Variants in LOXHD1 observed in about 807,000 individuals in gnomAD.
The protein encoded by LOXHD1 is lipoxygenase homology domain-containing protein 1.
In LOXHD1, 205 loss-of-function variants were observed where a neutral mutation model predicts 248.2. That is an observed-to-expected ratio of 0.83 (90% CI 0.74 to 0.93). The LOEUF is 0.93. Ranked by LOEUF, LOXHD1 falls within the 40% of genes least tolerant of loss-of-function variation. LOXHD1 has a pLI of 0.00. For missense variants in LOXHD1, 2,930 were observed against 2,971.6 expected, an observed-to-expected ratio of 0.99 and a Z score of 0.33; for synonymous variants, 1,113 against 1,162.8, an observed-to-expected ratio of 0.96 and a Z score of 0.87.
chr18:46,560,297 C>A lies in LOXHD1; in HGVS notation c.2847G>T (p.Glu949Asp). 1 of 1,552,026 alleles carries A rather than the reference C, an allele frequency of 6.4e-7. No individual in the cohort carries two copies. Among genetic ancestry groups the A allele is most frequent in the Non-Finnish European group, 8.7e-7 (1 of 1,147,082 alleles). The change falls in exon 19 of 41, where the codon GAG becomes GAT. Residue 949 changes from glutamate (E) to aspartate (D), a missense_variant. Glu to Asp is a conservative substitution (Grantham distance 45). Coordinates refer to ENST00000642948, the MANE Select transcript of LOXHD1 (RefSeq NM_001384474.1). Reference sequence around the variant, plus strand: ...ACGACTCCTCTTCCTCCCCCTCGTCCTCTTCGTCGCTGCCCTTCCTCTTCT... The same window carrying A: ...ACGACTCCTCTTCCTCCCCCTCGTCATCTTCGTCGCTGCCCTTCCTCTTCT... ...KKKKRKGSDE[E>D]DEGEEEESSS...
intron 19 of LOXHD1, 47 bp from the exon 20 acceptor site, chr18:46,559,649 G>T (rs1442323820): frequency 1.2e-5 from 18 of 1,540,170 alleles, no homozygotes; most frequent in Non-Finnish European, 1.5e-5. Flanking sequence ...TGGCCATGGG[G>T]TGTTTGGACC....
At chr18:46,613,725 T>C (rs28859086) in intron 5 of LOXHD1, among the ~76,000 whole-genome samples, 3,568 of 152,262 alleles carry the variant, frequency 0.023, 131 homozygotes, top group East Asian at 0.073. Context: ...AAAAGAAATT[T>C]TATTTCTAGT....
intron 38 of LOXHD1, 61 bp downstream of exon 38, chr18:46,488,911 G>A: frequency 6.6e-6 from 10 of 1,511,938 alleles, no homozygotes; most frequent in East Asian, 5.0e-5. Flanking sequence ...CTGGAACGGT[G>A]TCTTCTTATT....
chr18:46,509,964 C>A, intron 34 of LOXHD1, 149 bp from the exon 35 acceptor site: 1 of 658,094 alleles, frequency 1.5e-6, no homozygotes, highest in Non-Finnish European at 2.7e-6. Context: ...TCCACCAGCC[C>A]ATCTCTTGCA....
chr18:46,556,430 T>TG lies in LOXHD1; in HGVS notation c.3350+925dup, dbSNP rs1310166379. Among the ~76,000 whole-genome samples the TG allele has an allele frequency of 4.6e-5, 7 of 152,256 alleles. No homozygotes were observed. The East Asian group carries it at 1.4e-3, about 29-fold the overall frequency. ...AGATGGACCTCAAGAGTTGCTGGTC[T>TG]GGGGGATCTATTGGACTGTCATCTC... On this transcript the variant is annotated intron_variant, in intron 21 of 40. Transcript: ENST00000642948.
chr18:46,592,520 C>T lies in LOXHD1; in HGVS notation c.1496G>A (p.Gly499Asp). 1 of 1,551,680 alleles carries T rather than the reference C, an allele frequency of 6.4e-7. No individual in the cohort carries two copies. The highest frequency in any genetic ancestry group is 8.7e-7 in the Non-Finnish European group (1 of 1,146,956). ...IRVWHDKRSS[G>D]SGWHLERMTL... ...CACCCTTTCTAAATGCCATCCAGAA[C>T]CAGAACTCCTTTTATCATGCCATAC... Residue 499 changes from glycine to aspartate, a missense_variant, in exon 11 of 41, where the codon GGT becomes GAT. Gly to Asp is a moderately conservative substitution (Grantham distance 94). Transcript: ENST00000642948.
intron 37 of LOXHD1, among the ~76,000 whole-genome samples, chr18:46,498,963 T>C (rs1598852061): frequency 6.6e-6 from 1 of 152,220 alleles, no homozygotes; most frequent in East Asian, 1.9e-4. Flanking sequence ...GATATATCTG[T>C]GGAAGTCTAG....
intron 34 of LOXHD1, among the ~76,000 whole-genome samples, chr18:46,517,178 G>A (rs958491257): frequency 6.6e-6 from 1 of 152,104 alleles, no homozygotes; most frequent in Admixed American, 6.5e-5. Context: ...GATGTCAGGG[G>A]CCAGGGATGT....
chr18:46,493,523 T>C (rs1305997875), intron 37 of LOXHD1, among the ~76,000 whole-genome samples: 3 of 152,208 alleles, frequency 2.0e-5, no homozygotes, highest in African/African-American at 7.2e-5. Flanking sequence ...AAGTGTTTAT[T>C]GAATGCATTA....
chr18:46,617,953 A>T (rs1475004473), intron 5 of LOXHD1, among the ~76,000 whole-genome samples: 1 of 152,200 alleles, frequency 6.6e-6, no homozygotes, highest in Non-Finnish European at 1.5e-5. Flanking sequence ...AATTGCAATC[A>T]ACCCACACAC....
chr18:46,553,058 T>G (rs2037172253), intron 21 of LOXHD1, among the ~76,000 whole-genome samples: 1 of 152,192 alleles, frequency 6.6e-6, no homozygotes. Context: ...AGGTCAACCC[T>G]GAGACAACCA....
chr18:46,573,660 C>G (rs1014495546), intron 14 of LOXHD1, among the ~76,000 whole-genome samples: 2 of 152,046 alleles, frequency 1.3e-5, no homozygotes, highest in African/African-American at 2.4e-5. Context: ...CTGCAATACT[C>G]TCTGCTAATA....
rs2036570347 is a variant in LOXHD1, at chr18:46,541,786, C to T, written c.3903G>A (p.Leu1301=). 6.4e-7 allele frequency: 1 copy of T among 1,551,594 alleles called. No individual in the cohort carries two copies. Among genetic ancestry groups the T allele is most frequent in the African/African-American group, 1.4e-5 (1 of 73,056 alleles). ...DLFHAELQTR[L]YTPFVPYEIT... ...GTGTGTGGTTCCTACATGGTGTGTA[C>T]AGCCTCGTCTGAAGCTCTGCATGGA... The change falls in exon 25 of 41, where the codon CTG becomes CTA. Residue 1301 remains leucine (L), a synonymous_variant. Coordinates refer to ENST00000642948, the MANE Select transcript of LOXHD1 (RefSeq NM_001384474.1).
rs1178506041 is a variant in LOXHD1 at position 46,488,986 on chromosome 18, T to C, written c.6035A>G (p.Glu2012Gly). 1 of 1,551,648 alleles carries C rather than the reference T, an allele frequency of 6.4e-7. No homozygotes were observed. Among genetic ancestry groups the C allele is most frequent in the South Asian group, 1.2e-5 (1 of 84,056 alleles). Reference sequence around the variant, plus strand: ...CCCCCACATACTGGTCTCTTCCAGCTCATCACAGATCTTGTTGTTGGCACA... The same window carrying C: ...CCCCCACATACTGGTCTCTTCCAGCCCATCACAGATCTTGTTGTTGGCACA... ...FACANNKICDELEETTYEIVI... is the reference protein window; with the variant it reads ...FACANNKICDGLEETTYEIVI... The change falls in exon 38 of 41, where the codon GAG (glutamate) becomes GGG (glycine). Residue 2012 changes from glutamate to glycine, a missense_variant. Transcript: ENST00000642948.
intron 5 of LOXHD1, among the ~76,000 whole-genome samples, chr18:46,611,916 G>T (rs184178563): frequency 6.6e-6 from 1 of 152,054 alleles, no homozygotes; most frequent in Admixed American, 6.5e-5. Flanking sequence ...CTATAAAGAC[G>T]GCTCCTGAAG....
rs562154788 is a variant in LOXHD1, at chr18:46,486,018, T to C, written c.6050-867A>G. Among the ~76,000 whole-genome samples, 38 of 152,064 alleles carry C rather than the reference T, an allele frequency of 2.5e-4. No individual in the cohort carries two copies. The South Asian group carries it at 6.2e-3, about 25-fold the overall frequency. On this transcript the variant is annotated intron_variant, in intron 38 of 40. Coordinates refer to ENST00000642948, the MANE Select transcript of LOXHD1 (RefSeq NM_001384474.1). ...GGCGTGGCTCACTGACTCACCTCCT[T>C]CTCATCCTTACTCAAAAGTCATGTC...
chr18:46,560,146 G>C lies in LOXHD1; in HGVS notation c.2998C>G (p.Arg1000Gly). ...ACAAGTTCGTTGTCCTCCTTGCCCC[G>C]GGCCAGCCAGCGGTGGGCTTCGAAC... The part of the protein sequence containing the change: ...HKFEAHRWLA[R>G]GKEDNELVVE... The change falls in exon 19 of 41, where the codon CGG (arginine) becomes GGG (glycine). Residue 1000 changes from arginine to glycine, a missense_variant. Coordinates refer to ENST00000642948, the MANE Select transcript of LOXHD1 (RefSeq NM_001384474.1). The C allele has an allele frequency of 7.3e-7, 1 of 1,372,566 alleles. No homozygotes were observed. The highest frequency in any genetic ancestry group is 9.6e-7 in the Non-Finnish European group (1 of 1,037,078). The allele number at this position is 1,372,566 out of a possible 1,614,324, so 85.0% of individuals were successfully genotyped here.
chr18:46,623,484 A>T (rs2144339606), intron 4 of LOXHD1, among the ~76,000 whole-genome samples: 2 of 152,384 alleles, frequency 1.3e-5, no homozygotes, highest in Middle Eastern at 3.4e-3. Flanking sequence ...GATCCTGTGC[A>T]GGTGGGCTTA....
At chr18:46,482,992 AG>A (rs1163347507) in intron 40 of LOXHD1, among the ~76,000 whole-genome samples, 1 of 152,056 alleles carries the variant, frequency 6.6e-6, no homozygotes. Flanking sequence ...TTGGTTACCA[AG>A]GGGTTTTAAT....
Sources: allele counts gnomAD v4.1 joint callset (sites outside exome capture counted in the v4.1 genomes callset), GRCh38; gene constraint gnomAD v4.1.1; transcripts MANE v1.5; gene names NCBI Gene and HGNC (gene_info 2026-07-23, HGNC 2026-07-21).